Variants in LAP3 observed in about 807,000 individuals in gnomAD.
The protein encoded by LAP3 is cytosol aminopeptidase.
In LAP3, 46 loss-of-function variants were observed where a neutral mutation model predicts 58.8. The ratio of observed to expected loss-of-function variants is 0.78; its 90% CI spans 0.62 to 1.00. The LOEUF (loss-of-function observed/expected upper bound fraction) is 1.00. Among genes scored for constraint, LAP3 ranks in the 50% least tolerant of loss-of-function variants. LAP3 has a pLI of 0.00. For synonymous variants in LAP3, 257 were observed against 237.7 expected, an observed-to-expected ratio of 1.08 and a Z score of -0.75; for missense variants, 615 against 659.1, an observed-to-expected ratio of 0.93 and a Z score of 0.73.
At chr4:17,593,051 A>T (rs961393580) in intron 7 of LAP3, among the ~76,000 whole-genome samples, 2 of 152,178 alleles carry the variant, frequency 1.3e-5, no homozygotes, top group Non-Finnish European at 2.9e-5. Context: ...TGCCTGCCCC[A>T]GCCTCCCAGA....
At chr4:17,594,889 C>G (rs944795617) in intron 7 of LAP3, among the ~76,000 whole-genome samples, 1 of 152,102 alleles carries the variant, frequency 6.6e-6, no homozygotes, top group African/African-American at 2.4e-5. Context: ...GCTGAATAGA[C>G]TATGTGGGTG....
intron 11 of LAP3, 79 bp from the exon 12 acceptor site, chr4:17,606,750 A>G (rs1714152809): frequency 2.5e-6 from 2 of 808,526 alleles, no homozygotes; most frequent in Non-Finnish European, 4.1e-6. Flanking sequence ...CTCTTCCTTC[A>G]TGCATTGAGC....
intron 10 of LAP3, among the ~76,000 whole-genome samples, chr4:17,602,563 T>C (rs1300857146): frequency 3.3e-5 from 5 of 152,372 alleles, no homozygotes; most frequent in South Asian, 4.1e-4. Context: ...CAAAGTCTTA[T>C]AGCAGTACTT....
At chr4:17,581,194 C>A (rs1440174675) in intron 2 of LAP3, among the ~76,000 whole-genome samples, 6 of 152,174 alleles carry the variant, frequency 3.9e-5, no homozygotes, top group African/African-American at 1.4e-4. Context: ...TGTGGAGAAA[C>A]CACATAGATA....
intron 6 of LAP3, among the ~76,000 whole-genome samples, chr4:17,586,927 G>A (rs560565593): frequency 2.0e-5 from 3 of 152,256 alleles, no homozygotes; most frequent in East Asian, 1.9e-4. Context: ...CCAACATGGC[G>A]AAACACCATC....
Position 17,607,622 on chromosome 4 carries a change from T to G in LAP3, c.*33T>G, listed in dbSNP as rs1203909398. ...ACTCAAAAATGTCTTCACTCTGTCT[T>G]AAATTGGACAGTTGAACTTAAAAGG... is the stretch of plus-strand genomic sequence containing the variant. On this transcript the variant is annotated 3_prime_UTR_variant, in exon 13 of 13. Coordinates refer to ENST00000226299, the MANE Select transcript of LAP3 (RefSeq NM_015907.3). 3 of 1,480,012 alleles carry G rather than the reference T, an allele frequency of 2.0e-6. No homozygotes were observed. The highest frequency in any genetic ancestry group is 2.7e-6 in the Non-Finnish European group (3 of 1,096,674). 91.7% of individuals were successfully genotyped at this position (1,480,012 alleles called of 1,614,324 possible). A position where few individuals can be genotyped will look rare whatever the true frequency, so the allele number is the denominator to read the frequency against.
rs756299693 is a variant in LAP3, at chr4:17,585,034, A to C, written c.602A>C (p.Gln201Pro). The C allele has an allele frequency of 1.2e-6, 2 of 1,614,050 alleles. No homozygotes were observed. The highest frequency in any genetic ancestry group is 2.2e-5 in the South Asian group (2 of 91,078). ...GCTTCTGGGCAGAACTTGGCACGCC[A>C]ATTGATGGAGACGCCAGCCAATGAG... ...LFASGQNLAR[Q>P]LMETPANEMT... Residue 201 changes from glutamine (Q) to proline (P), a missense_variant, in exon 6 of 13, where the codon CAA (glutamine) becomes CCA (proline). Gln to Pro is a moderately conservative substitution (Grantham distance 76). Transcript: ENST00000226299.
chr4:17,598,390 T>C (rs1713885586), intron 9 of LAP3, 66 bp from the exon 10 acceptor site: 1 of 1,160,316 alleles, frequency 8.6e-7, no homozygotes, highest in African/African-American at 1.5e-5. Flanking sequence ...CGAACACTGT[T>C]GCAAGTGTCT....
In LAP3 at chr4:17,599,795, C is replaced by A. The variant is rs944236330; in HGVS notation, c.1180+1237C>A. 3.3e-5 allele frequency among the ~76,000 whole-genome samples: 5 copies of A among 150,398 alleles called. No individual in the cohort carries two copies. The Admixed American group carries it at 3.3e-4, about 10-fold the overall frequency. On this transcript the variant is annotated intron_variant, in intron 10 of 12. Transcript: ENST00000226299. ...CCAGAGTAGCAGGATTCTCATTTAA[C>A]AAGTGACACAGTGTGAAGCCAGCGC...
chr4:17,581,215 A>G (rs1399001236), intron 2 of LAP3, among the ~76,000 whole-genome samples: 1 of 152,198 alleles, frequency 6.6e-6, no homozygotes, highest in Non-Finnish European at 1.5e-5. Flanking sequence ...TACAACCTCC[A>G]AGCCAACCAC....
rs553101921 is a variant in LAP3, at chr4:17,595,509, G to T, written c.963G>T (p.Lys321Asn). The T allele has an allele frequency of 8.7e-6, 14 of 1,614,016 alleles. No individual in the cohort carries two copies. Among genetic ancestry groups the T allele is most frequent in the South Asian group, 1.1e-5 (1 of 91,062 alleles). The part of the protein sequence containing the change: ...TICSAIVSAA[K>N]LNLPINIIGL... ...GCTCAGCCATCGTGTCTGCTGCAAAGCTTAATTTGCCCATTAATATTATAG... is the reference window on the plus strand; with the variant it reads ...GCTCAGCCATCGTGTCTGCTGCAAATCTTAATTTGCCCATTAATATTATAG... The change falls in exon 8 of 13, where the codon AAG becomes AAT. Residue 321 changes from lysine (K) to asparagine (N), a missense_variant. By Grantham distance (94) the Lys-to-Asn change is moderately conservative. Coordinates refer to ENST00000226299, the MANE Select transcript of LAP3 (RefSeq NM_015907.3).
chr4:17,589,038 C>A, intron 7 of LAP3, 61 bp downstream of exon 7: 1 of 1,512,514 alleles, frequency 6.6e-7, no homozygotes, highest in Non-Finnish European at 9.0e-7. Flanking sequence ...AGTTTAATTA[C>A]TTGGTTATAG....
intron 8 of LAP3, among the ~76,000 whole-genome samples, chr4:17,596,403 G>A (rs761400661): frequency 6.6e-6 from 1 of 151,952 alleles, no homozygotes; most frequent in Non-Finnish European, 1.5e-5. Flanking sequence ...GCAATGGCGC[G>A]ATCTTGGCTC....
chr4:17,602,283 A>G (rs1255967950), intron 10 of LAP3, among the ~76,000 whole-genome samples: 1 of 152,198 alleles, frequency 6.6e-6, no homozygotes, highest in Non-Finnish European at 1.5e-5. Context: ...CCTAGGAAGC[A>G]GACGTGTTCC....
intron 7 of LAP3, 124 bp from the exon 8 acceptor site, chr4:17,595,286 C>A (rs1713800766): frequency 2.0e-5 from 21 of 1,045,750 alleles, no homozygotes; most frequent in Non-Finnish European, 2.9e-5. Flanking sequence ...GATCCGCCCA[C>A]CTCGGCCTCC....
At chr4:17,589,792 T>G (rs1161637724) in intron 7 of LAP3, among the ~76,000 whole-genome samples, 3 of 152,242 alleles carry the variant, frequency 2.0e-5, no homozygotes, top group African/African-American at 7.2e-5. Context: ...CCATGCACTT[T>G]GCTTGTCCTC....
intron 9 of LAP3, among the ~76,000 whole-genome samples, chr4:17,597,520 T>C (rs1713861279): frequency 6.6e-6 from 1 of 152,178 alleles, no homozygotes; most frequent in South Asian, 2.1e-4. Flanking sequence ...CTGCCCACCT[T>C]GTTCTCCCAA....
intron 1 of LAP3, among the ~76,000 whole-genome samples, chr4:17,577,779 T>C (rs552909838): frequency 2.6e-5 from 4 of 152,308 alleles, no homozygotes; most frequent in Non-Finnish European, 4.4e-5. Context: ...TGCTCGGGGC[T>C]AGGGGGTGAT....
intron 7 of LAP3, among the ~76,000 whole-genome samples, chr4:17,591,975 G>C (rs564420726): frequency 6.6e-6 from 1 of 152,066 alleles, no homozygotes; most frequent in African/African-American, 2.4e-5. Context: ...GTGCACCTTG[G>C]GGGGGTGCAG....
Sources: allele counts gnomAD v4.1 joint callset (sites outside exome capture counted in the v4.1 genomes callset), GRCh38; gene constraint gnomAD v4.1.1; transcripts MANE v1.5; gene names NCBI Gene and HGNC (gene_info 2026-07-23, HGNC 2026-07-21).